Variants in MAP4K5 observed in about 807,000 individuals in gnomAD.
MAP4K5 encodes MAPK/ERK kinase kinase kinase 5.
Under a neutral mutation model 135.6 loss-of-function variants are expected in MAP4K5, and 82 were observed. The observed-to-expected ratio is 0.60, with a 90% CI of 0.51 to 0.73. MAP4K5 has a LOEUF of 0.73. MAP4K5 is among the 30% of genes least tolerant of loss of function. The probability of loss-of-function intolerance (pLI) is 0.00; values close to 1 mark genes in which losing one functional copy is unlikely to be tolerated. For synonymous variants in MAP4K5, 347 were observed against 335.0 expected (o/e 1.04, Z -0.39); for missense variants, 907 against 1,010.9 (o/e 0.90, Z 1.39).
At chr14:50,493,653 C>T (rs576544664) in intron 3 of MAP4K5, among the ~76,000 whole-genome samples, 2 of 152,018 alleles carry the variant, frequency 1.3e-5, no homozygotes, top group African/African-American at 4.8e-5. Context: ...TGTTTCTATA[C>T]ACAGTGAACA....
chr14:50,535,051 A>G (rs1467666014), upstream of MAP4K5, among the ~76,000 whole-genome samples: 1 of 152,254 alleles, frequency 6.6e-6, no homozygotes, highest in African/African-American at 2.4e-5. Flanking sequence ...ATATGGCTTG[A>G]TAGGTCCTTC....
chr14:50,420,147 G>T, intron 32 of MAP4K5, 41 bp from the exon 33 acceptor site: 1 of 1,052,350 alleles, frequency 9.5e-7, no homozygotes, highest in Non-Finnish European at 1.5e-6. Flanking sequence ...AGTAACTACA[G>T]ATTTCATACA....
At chr14:50,491,973 C>T (rs1228148864) in intron 3 of MAP4K5, among the ~76,000 whole-genome samples, 1 of 152,118 alleles carries the variant, frequency 6.6e-6, no homozygotes, top group Non-Finnish European at 1.5e-5. Context: ...AGGTGTGAGC[C>T]ACCACACCTG....
At chr14:50,446,982 CA>C (rs1429221598) in intron 16 of MAP4K5, among the ~76,000 whole-genome samples, 1 of 151,976 alleles carries the variant, frequency 6.6e-6, no homozygotes, top group Non-Finnish European at 1.5e-5. Context: ...TTGTTAACTC[CA>C]AATGTATAGG....
At chr14:50,450,899 A>G (rs1178880720) in intron 14 of MAP4K5, among the ~76,000 whole-genome samples, 1 of 152,228 alleles carries the variant, frequency 6.6e-6, no homozygotes, top group Non-Finnish European at 1.5e-5. Context: ...AAAGACAACC[A>G]AAGAAGCTAG....
chr14:50,533,997 T>C (rs1475339591), upstream of MAP4K5, among the ~76,000 whole-genome samples: 1 of 152,164 alleles, frequency 6.6e-6, no homozygotes, highest in Non-Finnish European at 1.5e-5. Flanking sequence ...TGAAGAACAG[T>C]TCCTTCTTTC....
chr14:50,465,539 C>A (rs74050918), intron 11 of MAP4K5, among the ~76,000 whole-genome samples: 2 of 151,786 alleles, frequency 1.3e-5, no homozygotes, highest in African/African-American at 4.8e-5. Context: ...TTGAGTATTA[C>A]GTAAGGAAGA....
intron 14 of MAP4K5, among the ~76,000 whole-genome samples, chr14:50,452,011 C>G (rs922753202): frequency 6.6e-6 from 1 of 152,126 alleles, no homozygotes; most frequent in African/African-American, 2.4e-5. Flanking sequence ...TTTTCCCAGT[C>G]TAGGGATATA....
intron 9 of MAP4K5, among the ~76,000 whole-genome samples, chr14:50,474,645 T>C (rs918995607): frequency 1.3e-5 from 2 of 152,058 alleles, no homozygotes; most frequent in African/African-American, 4.8e-5. Flanking sequence ...AGATTAAACT[T>C]AGGTGATGGG....
intron 31 of MAP4K5, among the ~76,000 whole-genome samples, 176 bp from the exon 32 acceptor site, chr14:50,423,352 C>T (rs1024347926): frequency 6.6e-6 from 1 of 150,712 alleles, no homozygotes; most frequent in Non-Finnish European, 1.5e-5. Flanking sequence ...AATGAACCCA[C>T]ATTTATGGAA....
intron 2 of MAP4K5, among the ~76,000 whole-genome samples, chr14:50,509,613 T>A (rs1214588127): frequency 6.6e-6 from 1 of 151,878 alleles, no homozygotes; most frequent in Non-Finnish European, 1.5e-5. Context: ...TTGAAAAAAA[T>A]TATCGAATAA....
chr14:50,494,261 G>A (rs539554062), intron 3 of MAP4K5, among the ~76,000 whole-genome samples: 18 of 151,662 alleles, frequency 1.2e-4, no homozygotes, highest in African/African-American at 4.3e-4. Flanking sequence ...TCCGCCTCCC[G>A]GGGTTCAAGT....
chr14:50,557,969 C>CT (rs2038784339), intron 1 of MAP4K5, among the ~76,000 whole-genome samples: 1 of 152,218 alleles, frequency 6.6e-6, no homozygotes, highest in African/African-American at 2.4e-5. Flanking sequence ...GACACACGAG[C>CT]TGACCCTCAG....
chr14:50,439,894 C>A, intron 23 of MAP4K5, 119 bp downstream of exon 23: 2 of 1,060,714 alleles, frequency 1.9e-6, no homozygotes, highest in Non-Finnish European at 2.6e-6. Flanking sequence ...CCACAAGTCC[C>A]AGAGTTACTA....
At chr14:50,497,793 C>G (rs1217087942) in intron 3 of MAP4K5, among the ~76,000 whole-genome samples, 2 of 152,078 alleles carry the variant, frequency 1.3e-5, no homozygotes, top group African/African-American at 4.8e-5. Context: ...TTAAAAAATA[C>G]TAAACTATTT....
Position 50,425,846 on chromosome 14 carries a change from G to T in MAP4K5, c.2397+61C>A. 2 of 1,157,382 alleles carry T rather than the reference G, an allele frequency of 1.7e-6. 1 individual carries two copies. Among genetic ancestry groups the T allele is most frequent in the South Asian group, 2.6e-5 (2 of 75,806 alleles). The allele number at this position is 1,157,382 out of a possible 1,614,324, so 71.7% of individuals were successfully genotyped here. A position where few individuals can be genotyped will look rare whatever the true frequency, so the allele number is the denominator to read the frequency against. The stretch of plus-strand genomic sequence containing the variant: ...GGTTCAGAGAGGAAATGCATAAAAC[G>T]AGTGCTTCGACATTTAAAATTGTTA... On this transcript the variant is annotated intron_variant, in intron 31 of 32. Coordinates refer to ENST00000682126, the MANE Select transcript of MAP4K5 (RefSeq NM_006575.6).
intron 1 of MAP4K5, among the ~76,000 whole-genome samples, chr14:50,546,089 CAATTCTAACTAAAATGTAAAT>C (rs1455502589): frequency 2.0e-5 from 3 of 152,026 alleles, no homozygotes; most frequent in Non-Finnish European, 4.4e-5. Context: ...ACAGGTCAGA[CAATTCTAACTAAAATGTAAAT>C]GTTAGAAACT....
At chr14:50,464,030 C>A in intron 12 of MAP4K5, 22 bp downstream of exon 12, 1 of 1,386,740 alleles carries the variant, frequency 7.2e-7, no homozygotes, top group Non-Finnish European at 1.0e-6. Context: ...TAGGAAGACC[C>A]CTCGTAATTT....
At chr14:50,519,197 C>T (rs2038096492) in intron 2 of MAP4K5, among the ~76,000 whole-genome samples, 1 of 151,650 alleles carries the variant, frequency 6.6e-6, no homozygotes, top group Admixed American at 6.6e-5. Flanking sequence ...AATTTAAAAG[C>T]ACGTTATCAA....
Sources: gnomAD v4.1 joint callset for allele counts (sites outside exome capture counted in the v4.1 genomes callset) on GRCh38, gnomAD v4.1.1 for gene constraint, MANE v1.5 for transcripts, NCBI Gene and HGNC (gene_info 2026-07-23, HGNC 2026-07-21) for gene names.